PPP3CB: variants seen among roughly 807,000 people sequenced by gnomAD.
The protein encoded by PPP3CB is protein phosphatase 3 catalytic subunit beta.
A neutral mutation model predicts 66.4 loss-of-function variants in PPP3CB; 8 were observed. The ratio of observed to expected loss-of-function variants is 0.12; its 90% CI spans 0.07 to 0.22. The LOEUF (loss-of-function observed/expected upper bound fraction) is 0.22, where lower values mean the gene tolerates loss of function less well. Ranked by LOEUF, PPP3CB falls within the 10% of genes least tolerant of loss-of-function variation. The probability of loss-of-function intolerance (pLI) is 1.00; values close to 1 mark genes in which losing one functional copy is unlikely to be tolerated. For missense variants in PPP3CB, 319 were observed against 642.5 expected (o/e 0.50, Z 5.44); for synonymous variants, 208 against 221.2 (o/e 0.94, Z 0.53).
intron 4 of PPP3CB, among the ~76,000 whole-genome samples, chr10:73,472,240 A>T (rs2056713223): frequency 1.3e-5 from 2 of 152,240 alleles, no homozygotes; most frequent in Non-Finnish European, 2.9e-5. Context: ...CACGCCTGTA[A>T]TCCCAGCACT....
chr10:73,456,578 G>A (rs182102211), intron 9 of PPP3CB, among the ~76,000 whole-genome samples: 2 of 152,264 alleles, frequency 1.3e-5, no homozygotes, highest in Admixed American at 1.3e-4. Context: ...CAATTCAGTG[G>A]CTAAAGAACA....
rs756307787 is a variant in PPP3CB at position 73,470,919 on chromosome 10, C to T, written c.855G>A (p.Ser285=). The stretch of plus-strand genomic sequence containing the variant: ...CTTGAGCTTCATGAGCTCTAATAAT[C>T]GATAACAAATTATTGTTTTGCAAAA... ...CEFLQNNNLL[S]IIRAHEAQDA... The change falls in exon 7 of 14, where the codon TCG becomes TCA. Residue 285 remains serine (S), a synonymous_variant. Transcript: ENST00000360663. 4 of 1,613,290 alleles carry T rather than the reference C, an allele frequency of 2.5e-6. No homozygotes were observed. Among genetic ancestry groups the T allele is most frequent in the Non-Finnish European group, 2.5e-6 (3 of 1,179,638 alleles).
chr10:73,448,611 A>G (rs75077976), intron 10 of PPP3CB: 10,495 of 532,658 alleles, frequency 0.02, 653 homozygotes, highest in African/African-American at 0.15. Flanking sequence ...ATGGACATGA[A>G]GATAACTTAT....
intron 3 of PPP3CB, among the ~76,000 whole-genome samples, chr10:73,476,632 A>G (rs2056793338): frequency 1.3e-5 from 2 of 152,094 alleles, no homozygotes; most frequent in South Asian, 4.2e-4. Context: ...AAAAAAAAAA[A>G]AAAAAGAGTC....
Position 73,467,535 on chromosome 10 carries a change from T to A in PPP3CB, c.1108+18A>T, listed in dbSNP as rs544773505. 668 of 1,478,044 alleles carry A rather than the reference T, an allele frequency of 4.5e-4. No homozygotes were observed. The highest frequency in any genetic ancestry group is 5.4e-4 in the South Asian group (40 of 73,956). The allele number at this position is 1,478,044 out of a possible 1,614,324, so 91.6% of individuals were successfully genotyped here. On this transcript the variant is annotated intron_variant, in intron 9 of 13. Transcript: ENST00000360663. Reference sequence around the variant, plus strand: ...TAACAGTAATAAAACAAATTTTTTTTAAAAATAAAAATTATACCTTTTTCT... The same window carrying A: ...TAACAGTAATAAAACAAATTTTTTTAAAAAATAAAAATTATACCTTTTTCT...
At chr10:73,489,671 C>CT (rs1459251036) in intron 1 of PPP3CB, among the ~76,000 whole-genome samples, 1 of 152,164 alleles carries the variant, frequency 6.6e-6, no homozygotes, top group Non-Finnish European at 1.5e-5. Flanking sequence ...AGAGCTTGTG[C>CT]TTTTAATCAT....
At chr10:73,486,593 C>T (rs1169478535) in intron 1 of PPP3CB, among the ~76,000 whole-genome samples, 9 of 152,122 alleles carry the variant, frequency 5.9e-5, no homozygotes, top group Non-Finnish European at 1.2e-4. Context: ...GCGTGAGCCA[C>T]CGCGCTTGGC....
chr10:73,452,180 T>C (rs565071161), intron 10 of PPP3CB, among the ~76,000 whole-genome samples: 2 of 152,238 alleles, frequency 1.3e-5, no homozygotes, highest in African/African-American at 4.8e-5. Context: ...TAAAAAAAAG[T>C]AGGCTATGTG....
chr10:73,469,657 A>G (rs778146698), intron 8 of PPP3CB, among the ~76,000 whole-genome samples: 2 of 152,256 alleles, frequency 1.3e-5, no homozygotes, highest in Non-Finnish European at 2.9e-5. Context: ...CAAGTTATCC[A>G]GCATGCTACT....
chr10:73,471,777 C>T (rs1479643604), intron 4 of PPP3CB, among the ~76,000 whole-genome samples, 164 bp from the exon 5 acceptor site: 1 of 151,994 alleles, frequency 6.6e-6, no homozygotes, highest in Non-Finnish European at 1.5e-5. Flanking sequence ...GTAGTAATAG[C>T]CCAGACAGAC....
intron 9 of PPP3CB, among the ~76,000 whole-genome samples, chr10:73,456,257 C>A (rs1385031479): frequency 2.0e-5 from 3 of 152,192 alleles, no homozygotes; most frequent in Non-Finnish European, 4.4e-5. Context: ...TCTCTACCTT[C>A]AACAAGCTTA....
At chr10:73,470,619 A>T in intron 8 of PPP3CB, 68 bp downstream of exon 8, 1 of 968,580 alleles carries the variant, frequency 1.0e-6, no homozygotes. Flanking sequence ...CCCCTTTTTT[A>T]TTATATTAAA....
chr10:73,477,215 A>G lies in PPP3CB; in HGVS notation c.411+1284T>C, dbSNP rs548100251. The G allele has an allele frequency of 9.3e-4, 484 of 518,580 alleles. 7 individuals are homozygous for G. Among genetic ancestry groups the G allele is most frequent in the South Asian group, 6.3e-3 (453 of 71,512 alleles). The allele number at this position is 518,580 out of a possible 1,614,324, so 32.1% of individuals were successfully genotyped here. A position where few individuals can be genotyped will look rare whatever the true frequency, so the allele number is the denominator to read the frequency against. On this transcript the variant is annotated intron_variant, in intron 3 of 13. Transcript: ENST00000360663. ...TGTCTTCAGTGCCTAGAACATGCTT[A>G]GAACATATTAAATGTGCAACACAGG...
rs552760627 is a variant in PPP3CB at position 73,441,520 on chromosome 10, C to T, written c.1367-1619G>A. Among the ~76,000 whole-genome samples, 6 of 152,298 alleles carry T rather than the reference C, an allele frequency of 3.9e-5. No homozygotes were observed. In the South Asian group the frequency reaches 1.2e-3, roughly 32 times the overall value. ...TCGGGAAGCTGAAGCAGGAAGATCA[C>T]TTGAGCCCAGATTGCTAATTGCAAC... is the stretch of plus-strand genomic sequence containing the variant. On this transcript the variant is annotated intron_variant, in intron 12 of 13. Coordinates refer to ENST00000360663, the MANE Select transcript of PPP3CB (RefSeq NM_021132.4).
chr10:73,437,968 C>G lies in PPP3CB; in HGVS notation c.*274G>C. ...TAAACTTAAATGTGTGAACCACAAG[C>G]ATAAAATGGAGGTGTGGATGCCCTC... On this transcript the variant is annotated 3_prime_UTR_variant, in exon 14 of 14. Transcript: ENST00000360663. 3.0e-6 allele frequency: 1 copy of G among 328,574 alleles called. No homozygotes were observed. The highest frequency in any genetic ancestry group is 5.5e-6 in the Non-Finnish European group (1 of 182,574). 20.4% of individuals were successfully genotyped at this position (328,574 alleles called of 1,614,324 possible). A position where few individuals can be genotyped will look rare whatever the true frequency, so the allele number is the denominator to read the frequency against.
intron 1 of PPP3CB, among the ~76,000 whole-genome samples, chr10:73,487,827 T>C (rs907957357): frequency 5.9e-5 from 9 of 151,832 alleles, no homozygotes; most frequent in African/African-American, 2.2e-4. Flanking sequence ...TTGCCCCAGT[T>C]GGAGTGCAAT....
At chr10:73,481,942 T>A (rs1363889146) in intron 1 of PPP3CB, among the ~76,000 whole-genome samples, 6 of 152,042 alleles carry the variant, frequency 3.9e-5, no homozygotes, top group Non-Finnish European at 7.4e-5. Flanking sequence ...ATATAGCATG[T>A]CAAGATTCTA....
chr10:73,484,618 T>C (rs1252181272), intron 1 of PPP3CB, among the ~76,000 whole-genome samples: 1 of 152,152 alleles, frequency 6.6e-6, no homozygotes, highest in African/African-American at 2.4e-5. Context: ...ATATATACTT[T>C]TTTCTCCTAA....
At chr10:73,473,156 T>C (rs1416989874) in intron 4 of PPP3CB, among the ~76,000 whole-genome samples, 1 of 152,200 alleles carries the variant, frequency 6.6e-6, no homozygotes, top group Non-Finnish European at 1.5e-5. Context: ...CTTATCTTAC[T>C]CATTTAGGTT....
Sources: gnomAD v4.1 joint callset for allele counts (sites outside exome capture counted in the v4.1 genomes callset) on GRCh38, gnomAD v4.1.1 for gene constraint, MANE v1.5 for transcripts, NCBI Gene and HGNC (gene_info 2026-07-23, HGNC 2026-07-21) for gene names.